YEATS4: variants seen among roughly 807,000 people sequenced by gnomAD.
YEATS4 encodes YEATS domain-containing protein 4.
Under a neutral mutation model 30.1 loss-of-function variants are expected in YEATS4, and 17 were observed. The ratio of observed to expected loss-of-function variants is 0.56; its 90% CI spans 0.39 to 0.85. The LOEUF is 0.85. YEATS4 is among the 40% of genes least tolerant of loss of function. The pLI is 0.00. For synonymous variants in YEATS4, 85 were observed against 87.5 expected (o/e 0.97, Z 0.16); for missense variants, 142 against 268.3 (o/e 0.53, Z 3.29).
chr12:69,381,859 G>A (rs1176573973), intron 6 of YEATS4, among the ~76,000 whole-genome samples: 1 of 152,060 alleles, frequency 6.6e-6, no homozygotes, highest in African/African-American at 2.4e-5. Context: ...TCTTTGACTG[G>A]TCCGGCACAC....
At chr12:69,418,488 C>A in the YEATS4 span, among the ~76,000 whole-genome samples, 16 of 152,156 alleles carry the variant, frequency 1.1e-4, no homozygotes, top group South Asian at 3.3e-3. Flanking sequence ...TGATCTGCAC[C>A]AAATCTTGAT....
the YEATS4 span, among the ~76,000 whole-genome samples, chr12:69,412,417 C>T: frequency 6.6e-6 from 1 of 152,044 alleles, no homozygotes; most frequent in Non-Finnish European, 1.5e-5. Flanking sequence ...TTTGGGAGGC[C>T]GAGACAGGCA....
At chr12:69,361,224 T>C (rs1402544301) in intron 1 of YEATS4, 1 of 150,322 alleles carries the variant, frequency 6.7e-6, no homozygotes, top group Admixed American at 6.6e-5. Flanking sequence ...CAATAATTAG[T>C]AGGTTTTAAA....
chr12:69,381,408 T>A (rs1876074877), intron 6 of YEATS4, among the ~76,000 whole-genome samples: 2 of 152,228 alleles, frequency 1.3e-5, no homozygotes, highest in African/African-American at 2.4e-5. Context: ...ATCCTGTTCT[T>A]TTTTCAAGGT....
chr12:69,401,857 C>T, the YEATS4 span, among the ~76,000 whole-genome samples: 1 of 152,222 alleles, frequency 6.6e-6, no homozygotes, highest in African/African-American at 2.4e-5. Flanking sequence ...AGCAAGTAAG[C>T]TCACCCTCCT....
chr12:69,392,055 A>T (rs186753649), downstream of YEATS4, among the ~76,000 whole-genome samples: 9 of 152,258 alleles, frequency 5.9e-5, no homozygotes, highest in Admixed American at 2.0e-4. Context: ...CCTGTAACTC[A>T]ATAAAAATTT....
In YEATS4 at chr12:69,390,203, A is replaced by G. The variant is rs757384786; in HGVS notation, c.571A>G (p.Ser191Gly). 1 of 1,600,698 alleles carries G rather than the reference A, an allele frequency of 6.2e-7. No individual in the cohort carries two copies. Among genetic ancestry groups the G allele is most frequent in the South Asian group, 1.1e-5 (1 of 87,254 alleles). Residue 191 changes from serine to glycine, a missense_variant, in exon 7 of 7, where the codon AGC becomes GGC. Ser to Gly is a moderately conservative substitution (Grantham distance 56). Transcript: ENST00000247843. ...EKLEAAKKKT[S>G]FEIAELKERL... ...ATTAGAAGCTGCTAAGAAAAAAACA[A>G]GCTTTGAGATTGCAGAGCTTAAGGA...
At chr12:69,393,590 A>G (rs1000188666), downstream of YEATS4, among the ~76,000 whole-genome samples, 1 of 152,094 alleles carries the variant, frequency 6.6e-6, no homozygotes, top group African/African-American at 2.4e-5. Context: ...AAAAAAAGGT[A>G]AATATTATTT....
At chr12:69,381,378 T>G (rs1245529732) in intron 6 of YEATS4, among the ~76,000 whole-genome samples, 7 of 152,254 alleles carry the variant, frequency 4.6e-5, no homozygotes, top group Admixed American at 4.6e-4. Context: ...TCTCTCTTGT[T>G]CCTTGAACCA....
chr12:69,371,092 T>C, intron 6 of YEATS4, 117 bp downstream of exon 6: 1 of 928,968 alleles, frequency 1.1e-6, no homozygotes, highest in Non-Finnish European at 1.6e-6. Flanking sequence ...TTTTAGGTGT[T>C]AAAAAACACA....
Position 69,359,786 on chromosome 12 carries a change from T to C in YEATS4, c.-187T>C. 1 of 654,440 alleles carries C rather than the reference T, an allele frequency of 1.5e-6. No homozygotes were observed. Among genetic ancestry groups the C allele is most frequent in the Non-Finnish European group, 2.5e-6 (1 of 394,762 alleles). The allele number at this position is 654,440 out of a possible 1,614,324, so 40.5% of individuals were successfully genotyped here. On this transcript the variant is annotated 5_prime_UTR_variant, in exon 1 of 7. Coordinates refer to ENST00000247843, the MANE Select transcript of YEATS4 (RefSeq NM_006530.4). ...CCACCTGCGCGGGCCTGAATGGCCT[T>C]CAGGAGCACAGTCGGCCTGAGGAGT...
the YEATS4 span, among the ~76,000 whole-genome samples, chr12:69,406,450 C>G: frequency 6.6e-6 from 1 of 152,122 alleles, no homozygotes; most frequent in Non-Finnish European, 1.5e-5. Flanking sequence ...ACGTCAGCCT[C>G]CTAAGTAGCT....
the YEATS4 span, among the ~76,000 whole-genome samples, chr12:69,404,115 C>A: frequency 6.6e-6 from 1 of 152,152 alleles, no homozygotes; most frequent in Non-Finnish European, 1.5e-5. Flanking sequence ...TGTCACAAGT[C>A]TAGATTTCCA....
chr12:69,373,011 C>A (rs934853675), intron 6 of YEATS4, among the ~76,000 whole-genome samples: 4 of 152,086 alleles, frequency 2.6e-5, no homozygotes, highest in African/African-American at 9.7e-5. Flanking sequence ...TGTATATGTA[C>A]CATATTTTCT....
the YEATS4 span, among the ~76,000 whole-genome samples, chr12:69,410,576 T>C: frequency 6.6e-6 from 1 of 152,248 alleles, no homozygotes; most frequent in Non-Finnish European, 1.5e-5. Context: ...ATTGTCATCA[T>C]AATTTAAGAA....
At chr12:69,424,423 T>C in the YEATS4 span, among the ~76,000 whole-genome samples, 1 of 152,242 alleles carries the variant, frequency 6.6e-6, no homozygotes, top group Non-Finnish European at 1.5e-5. Context: ...CTCAGCTGAA[T>C]CAGATGAAGC....
At chr12:69,417,871 A>T in the YEATS4 span, among the ~76,000 whole-genome samples, 1 of 151,898 alleles carries the variant, frequency 6.6e-6, no homozygotes. Flanking sequence ...AAAAAAAAAA[A>T]AAAAAGCAAT....
At chr12:69,398,658 T>A in the YEATS4 span, among the ~76,000 whole-genome samples, 1 of 150,142 alleles carries the variant, frequency 6.7e-6, no homozygotes, top group Non-Finnish European at 1.5e-5. Flanking sequence ...ACTAAAAAAA[T>A]ATAAAAATTA....
chr12:69,406,209 A>G, the YEATS4 span, among the ~76,000 whole-genome samples: 1 of 152,218 alleles, frequency 6.6e-6, no homozygotes, highest in East Asian at 1.9e-4. Context: ...AATTTCTCTC[A>G]AAAGTTTGTA....
Sources: gnomAD v4.1 joint callset for allele counts (sites outside exome capture counted in the v4.1 genomes callset) on GRCh38, gnomAD v4.1.1 for gene constraint, MANE v1.5 for transcripts, NCBI Gene and HGNC (gene_info 2026-07-23, HGNC 2026-07-21) for gene names.